The following GRM5 variants were observed in gnomAD, a reference collection of about 807,000 sequenced individuals.
GRM5 encodes glutamate metabotropic receptor 5, also known as metabotropic glutamate receptor 5.
GRM5 carries 19 observed loss-of-function variants against 83.1 expected under a neutral mutation model. The ratio of observed to expected loss-of-function variants is 0.23; its 90% CI spans 0.16 to 0.34. The LOEUF is 0.34. Among genes scored for constraint, GRM5 ranks in the 10% least tolerant of loss-of-function variants. GRM5 has a pLI of 1.00. For synonymous variants in GRM5, 675 were observed against 633.6 expected (o/e 1.07, Z -0.98); for missense variants, 1,160 against 1,588.3 (o/e 0.73, Z 4.58).
At chr11:88,725,775 G>T (rs1030384459) in intron 3 of GRM5, among the ~76,000 whole-genome samples, 1 of 152,098 alleles carries the variant, frequency 6.6e-6, no homozygotes, top group Non-Finnish European at 1.5e-5. Context: ...GCAAACTCCA[G>T]CAGACCTGCA....
chr11:88,681,623 G>A (rs1317976429), intron 3 of GRM5, among the ~76,000 whole-genome samples: 2 of 117,018 alleles, frequency 1.7e-5, no homozygotes, highest in Non-Finnish European at 3.4e-5. Flanking sequence ...CCAGTCTGGA[G>A]TGCAGTGGTG....
At chr11:88,894,661 T>C (rs1178599307) in intron 2 of GRM5, among the ~76,000 whole-genome samples, 1 of 47,288 alleles carries the variant, frequency 2.1e-5, no homozygotes. Context: ...TGCTTGTTTG[T>C]TCCTATTCCT....
intron 3 of GRM5, among the ~76,000 whole-genome samples, chr11:88,752,172 T>G (rs989421723): frequency 1.3e-5 from 2 of 152,206 alleles, no homozygotes; most frequent in Admixed American, 1.3e-4. Flanking sequence ...TATCTTTGTT[T>G]GCAGATGATG....
intron 2 of GRM5, among the ~76,000 whole-genome samples, chr11:88,896,582 A>C (rs572286864): frequency 1.3e-5 from 2 of 151,988 alleles, no homozygotes; most frequent in South Asian, 4.2e-4. Flanking sequence ...AAAATCCCAT[A>C]ATCTGCAAGC....
intron 2 of GRM5, among the ~76,000 whole-genome samples, chr11:88,886,796 G>C (rs1020670133): frequency 2.2e-4 from 33 of 152,120 alleles, no homozygotes; most frequent in Non-Finnish European, 1.0e-4. Flanking sequence ...CTCTGTGTAT[G>C]CAATGTATGG....
At chr11:88,696,057 G>A (rs570935571) in intron 3 of GRM5, among the ~76,000 whole-genome samples, 7 of 152,256 alleles carry the variant, frequency 4.6e-5, no homozygotes, top group African/African-American at 1.7e-4. Context: ...GAAAAATTGG[G>A]TCACACTTGG....
Position 88,787,918 on chromosome 11 carries a change from C to T in GRM5, c.911+61988G>A, listed in dbSNP as rs935587397. Among the ~76,000 whole-genome samples the T allele has an allele frequency of 3.3e-5, 5 of 152,206 alleles. No individual in the cohort carries two copies. In the East Asian group the frequency reaches 7.7e-4, roughly 24 times the overall value. ...ATGTGATATCCAAGTGGAGATGTCA[C>T]GTAGGCAGGTCAATACATAGGCTAG... On this transcript the variant is annotated intron_variant, in intron 3 of 9. Coordinates refer to ENST00000305447, the MANE Select transcript of GRM5 (RefSeq NM_001143831.3).
At position 88,924,140 on chromosome 11, in the gene GRM5, A is replaced by AAAAAT. The variant is rs908459796; in HGVS notation, c.662-73986_662-73985insATTTT. ...CTGTTAGTATAGCTATAATCAAAAA[A>AAAAAT]AAAAAATAAGAAATAATCATTGTTA... On this transcript the variant is annotated intron_variant, in intron 2 of 9. Coordinates refer to ENST00000305447, the MANE Select transcript of GRM5 (RefSeq NM_001143831.3). Among the ~76,000 whole-genome samples the AAAAAT allele has an allele frequency of 4.3e-4, 66 of 151,792 alleles. 1 individual carries two copies. The highest frequency in any genetic ancestry group is 1.6e-3 in the African/African-American group (65 of 41,462).
chr11:88,799,094 T>A (rs940734830), intron 3 of GRM5, among the ~76,000 whole-genome samples: 1 of 151,890 alleles, frequency 6.6e-6, no homozygotes, highest in Non-Finnish European at 1.5e-5. Flanking sequence ...GCATAAAGAG[T>A]TCTAAAAAGT....
chr11:88,710,009 G>T (rs894990617), intron 3 of GRM5, among the ~76,000 whole-genome samples: 5 of 152,078 alleles, frequency 3.3e-5, no homozygotes, highest in African/African-American at 1.2e-4. Flanking sequence ...GAGGGAAAAT[G>T]CTGGGTATTC....
At chr11:88,742,509 C>T (rs1220876933) in intron 3 of GRM5, among the ~76,000 whole-genome samples, 1 of 151,908 alleles carries the variant, frequency 6.6e-6, no homozygotes, top group African/African-American at 2.4e-5. Context: ...TCCATAATAC[C>T]ACCTGCTTTA....
intron 3 of GRM5, among the ~76,000 whole-genome samples, chr11:88,842,472 A>G (rs1944220923): frequency 6.6e-6 from 1 of 152,108 alleles, no homozygotes; most frequent in Non-Finnish European, 1.5e-5. Context: ...ATCTGCTTTT[A>G]TTACTCTATT....
intron 8 of GRM5, among the ~76,000 whole-genome samples, chr11:88,535,727 G>A (rs1942116957): frequency 6.6e-6 from 1 of 151,942 alleles, no homozygotes; most frequent in Non-Finnish European, 1.5e-5. Flanking sequence ...ATTTACTTAG[G>A]TTTGACTGTT....
At chr11:88,563,977 T>G (rs1942815858) in intron 8 of GRM5, among the ~76,000 whole-genome samples, 1 of 152,182 alleles carries the variant, frequency 6.6e-6, no homozygotes, top group African/African-American at 2.4e-5. Flanking sequence ...AAAGGAATTT[T>G]AGTTTGCATC....
intron 8 of GRM5, among the ~76,000 whole-genome samples, chr11:88,552,090 C>T (rs1942523393): frequency 6.6e-6 from 1 of 150,592 alleles, no homozygotes; most frequent in Admixed American, 6.6e-5. Flanking sequence ...AGTGGCATGA[C>T]CATAGCTCAC....
intron 3 of GRM5, among the ~76,000 whole-genome samples, chr11:88,807,152 G>A (rs762695901): frequency 6.6e-6 from 1 of 152,034 alleles, no homozygotes; most frequent in Admixed American, 6.6e-5. Flanking sequence ...TGCATTTTCT[G>A]CCATAAACCT....
chr11:88,707,051 C>G (rs953456512), intron 3 of GRM5, among the ~76,000 whole-genome samples: 5 of 152,084 alleles, frequency 3.3e-5, no homozygotes, highest in Admixed American at 2.0e-4. Flanking sequence ...TCGCTCTGCA[C>G]AACTCATTTC....
intron 3 of GRM5, among the ~76,000 whole-genome samples, chr11:88,731,187 A>G (rs770036795): frequency 6.6e-6 from 1 of 152,058 alleles, no homozygotes; most frequent in Non-Finnish European, 1.5e-5. Flanking sequence ...CATATGGACA[A>G]GGTTTTCATG....
At chr11:88,827,131 G>C (rs1943906615) in intron 3 of GRM5, among the ~76,000 whole-genome samples, 1 of 152,094 alleles carries the variant, frequency 6.6e-6, no homozygotes, top group Non-Finnish European at 1.5e-5. Context: ...GAGGACATCT[G>C]AACGCCAGTT....
Sources: gnomAD v4.1 joint callset for allele counts (sites outside exome capture counted in the v4.1 genomes callset) on GRCh38, gnomAD v4.1.1 for gene constraint, MANE v1.5 for transcripts, NCBI Gene and HGNC (gene_info 2026-07-23, HGNC 2026-07-21) for gene names.